The following SLC24A2 variants were observed in gnomAD, a reference collection of about 807,000 sequenced individuals.
SLC24A2 encodes the protein sodium/potassium/calcium exchanger 2.
SLC24A2 carries 36 observed loss-of-function variants against 62.0 expected under a neutral mutation model. The observed-to-expected ratio is 0.58, with a 90% CI of 0.44 to 0.77. The LOEUF (loss-of-function observed/expected upper bound fraction) is 0.77, where lower values mean the gene tolerates loss of function less well. Ranked by LOEUF, SLC24A2 falls within the 30% of genes least tolerant of loss-of-function variation. The pLI, the probability that SLC24A2 is intolerant of heterozygous loss-of-function variation, is 0.00. For synonymous variants in SLC24A2, 358 were observed against 294.0 expected, an observed-to-expected ratio of 1.22 and a Z score of -2.23; for missense variants, 846 against 817.9, an observed-to-expected ratio of 1.03 and a Z score of -0.42.
At chr9:20,032,074 C>T in the SLC24A2 span, among the ~76,000 whole-genome samples, 1 of 152,136 alleles carries the variant, frequency 6.6e-6, no homozygotes, top group East Asian at 1.9e-4. Context: ...TGATGGGCTC[C>T]TATGTATTTC....
chr9:19,746,236 C>T (rs1291665160), intron 2 of SLC24A2, among the ~76,000 whole-genome samples: 1 of 151,906 alleles, frequency 6.6e-6, no homozygotes, highest in African/African-American at 2.4e-5. Flanking sequence ...TCCGATGGGA[C>T]CATAAATAAG....
chr9:20,096,924 C>T, the SLC24A2 span, among the ~76,000 whole-genome samples: 1 of 152,140 alleles, frequency 6.6e-6, no homozygotes, highest in African/African-American at 2.4e-5. Flanking sequence ...CCCAAATCTA[C>T]ACTTGGAAGG....
chr9:19,921,923 G>C, the SLC24A2 span, among the ~76,000 whole-genome samples: 3 of 152,200 alleles, frequency 2.0e-5, no homozygotes, highest in Admixed American at 2.0e-4. Flanking sequence ...AAAGGGTTAA[G>C]AAGTCTCTAT....
At chr9:19,875,674 C>CA in the SLC24A2 span, among the ~76,000 whole-genome samples, 3 of 152,208 alleles carry the variant, frequency 2.0e-5, no homozygotes, top group African/African-American at 7.2e-5. Context: ...TACAGGCCTG[C>CA]ACCCAGCAGC....
chr9:19,890,711 T>C, the SLC24A2 span, among the ~76,000 whole-genome samples: 1 of 152,160 alleles, frequency 6.6e-6, no homozygotes, highest in South Asian at 2.1e-4. Flanking sequence ...GGAGTCTCAC[T>C]ATGTTGCCAG....
the SLC24A2 span, among the ~76,000 whole-genome samples, chr9:19,871,817 A>C: frequency 6.6e-6 from 1 of 152,234 alleles, no homozygotes; most frequent in Admixed American, 6.5e-5. Flanking sequence ...TATCTGGAGA[A>C]AGTTACATTC....
At chr9:19,557,411 G>A (rs563643648) in intron 7 of SLC24A2, among the ~76,000 whole-genome samples, 5 of 152,174 alleles carry the variant, frequency 3.3e-5, no homozygotes, top group African/African-American at 4.8e-5. Flanking sequence ...AGCCGAAGGC[G>A]GTGGTTCTTA....
chr9:19,881,788 T>G, the SLC24A2 span, among the ~76,000 whole-genome samples: 2 of 152,162 alleles, frequency 1.3e-5, no homozygotes, highest in Non-Finnish European at 2.9e-5. Context: ...AAGTCAACAT[T>G]AGACATAAAC....
the SLC24A2 span, among the ~76,000 whole-genome samples, chr9:19,910,124 T>C: frequency 2.6e-5 from 4 of 152,202 alleles, no homozygotes; most frequent in African/African-American, 9.6e-5. Context: ...CTAGCTACCA[T>C]CCAATCTTAT....
At position 19,746,171 on chromosome 9, in the gene SLC24A2, C is replaced by T. The variant is rs539613254; in HGVS notation, c.930+39766G>A. 4.6e-5 allele frequency among the ~76,000 whole-genome samples: 7 copies of T among 151,696 alleles called. 1 individual carries two copies. The highest frequency in any genetic ancestry group is 1.7e-4 in the African/African-American group (7 of 41,352). On this transcript the variant is annotated intron_variant, in intron 2 of 10. Coordinates refer to ENST00000341998, the MANE Select transcript of SLC24A2 (RefSeq NM_020344.4). ...ATGCAATCCTCTTTCAATTACAGGA[C>T]ACAACACTGTCAGGAGGTAAGCGGC... is the stretch of plus-strand genomic sequence containing the variant.
chr9:20,155,488 T>C, the SLC24A2 span, among the ~76,000 whole-genome samples: 1 of 151,850 alleles, frequency 6.6e-6, no homozygotes, highest in Non-Finnish European at 1.5e-5. Context: ...ATTTTTCTGT[T>C]TGTTTCAGAT....
At chr9:19,721,050 C>T (rs1821011959) in intron 2 of SLC24A2, among the ~76,000 whole-genome samples, 1 of 152,046 alleles carries the variant, frequency 6.6e-6, no homozygotes, top group South Asian at 2.1e-4. Context: ...GATCCTTCTT[C>T]CCATAAGTTT....
At chr9:20,143,012 A>T in the SLC24A2 span, among the ~76,000 whole-genome samples, 1 of 152,226 alleles carries the variant, frequency 6.6e-6, no homozygotes, top group South Asian at 2.1e-4. Context: ...AGATATGACT[A>T]TACACATTTT....
chr9:19,896,170 A>T, the SLC24A2 span, among the ~76,000 whole-genome samples: 1 of 152,228 alleles, frequency 6.6e-6, no homozygotes, highest in Non-Finnish European at 1.5e-5. Context: ...CTCGGAAGGC[A>T]AGATGAATTA....
chr9:19,684,442 A>G (rs757685696), intron 2 of SLC24A2, among the ~76,000 whole-genome samples: 16 of 152,068 alleles, frequency 1.1e-4, no homozygotes, highest in Admixed American at 2.6e-4. Flanking sequence ...TCAAAGAGAG[A>G]TGGAGTGCTT....
chr9:20,127,794 A>G, the SLC24A2 span, among the ~76,000 whole-genome samples: 1 of 152,134 alleles, frequency 6.6e-6, no homozygotes, highest in African/African-American at 2.4e-5. Flanking sequence ...AACTAGACCA[A>G]TGTCAGGCAG....
At chr9:19,869,794 A>C in the SLC24A2 span, among the ~76,000 whole-genome samples, 6 of 152,204 alleles carry the variant, frequency 3.9e-5, no homozygotes, top group Admixed American at 3.9e-4. Flanking sequence ...TTAAAATAAA[A>C]ATATCTTTGT....
At position 19,669,710 on chromosome 9, in the gene SLC24A2, T is replaced by G. The variant is rs1355588266; in HGVS notation, c.931-47411A>C. ...CCAGCAACAGCAAGTTGAGACCTTT[T>G]TCCACAGAATCACTCCACTCTCCTC... On this transcript the variant is annotated intron_variant, in intron 2 of 10. Coordinates refer to ENST00000341998, the MANE Select transcript of SLC24A2 (RefSeq NM_020344.4). Among the ~76,000 whole-genome samples the G allele has an allele frequency of 3.9e-5, 6 of 152,346 alleles. 1 individual carries two copies. The highest frequency in any genetic ancestry group is 7.3e-5 in the Non-Finnish European group (5 of 68,036).
At position 19,580,499 on chromosome 9, in the gene SLC24A2, G is replaced by A. The variant is rs138328031; in HGVS notation, c.1130-3477C>T. 5.1e-4 allele frequency among the ~76,000 whole-genome samples: 78 copies of A among 152,318 alleles called. 1 individual carries two copies. Among genetic ancestry groups the A allele is most frequent in the African/African-American group, 1.7e-3 (72 of 41,570 alleles). On this transcript the variant is annotated intron_variant, in intron 5 of 10. Coordinates refer to ENST00000341998, the MANE Select transcript of SLC24A2 (RefSeq NM_020344.4). ...TGAGGCTAACAGGATATATGTGAGC[G>A]TGAAGGACCTGGGGCAGAAGCCAGC...
Sources: gnomAD v4.1 joint callset for allele counts (sites outside exome capture counted in the v4.1 genomes callset) on GRCh38, gnomAD v4.1.1 for gene constraint, MANE v1.5 for transcripts, NCBI Gene and HGNC (gene_info 2026-07-23, HGNC 2026-07-21) for gene names.